Variants in CRACR2A observed in about 807,000 individuals in gnomAD.
The protein encoded by CRACR2A is EF-hand calcium-binding domain-containing protein 4B.
CRACR2A carries 79 observed loss-of-function variants against 90.5 expected under a neutral mutation model. The observed-to-expected ratio is 0.87, with a 90% CI of 0.73 to 1.05. CRACR2A has a LOEUF of 1.05. CRACR2A is among the 50% of genes least tolerant of loss of function. CRACR2A has a pLI of 0.00. For synonymous variants in CRACR2A, 338 were observed against 356.7 expected (o/e 0.95, Z 0.59); for missense variants, 823 against 897.2 (o/e 0.92, Z 1.06).
chr12:3,665,275 GTTC>G (rs1426896774), intron 7 of CRACR2A, among the ~76,000 whole-genome samples: 1 of 152,320 alleles, frequency 6.6e-6, no homozygotes, highest in East Asian at 1.9e-4. Flanking sequence ...TAGCTGGGTA[GTTC>G]TTCTGGCATG....
intron 15 of CRACR2A, among the ~76,000 whole-genome samples, chr12:3,629,491 G>A (rs1470998624): frequency 1.3e-5 from 2 of 152,204 alleles, no homozygotes; most frequent in African/African-American, 4.8e-5. Flanking sequence ...CAGGGGAAAG[G>A]CCTCCATGGT....
At chr12:3,698,853 G>A (rs1018177506) in intron 3 of CRACR2A, among the ~76,000 whole-genome samples, 6 of 152,186 alleles carry the variant, frequency 3.9e-5, no homozygotes, top group African/African-American at 1.2e-4. Context: ...GGTAACGTGA[G>A]CTTCTGTAAA....
chr12:3,669,686 G>T (rs1053701119), intron 7 of CRACR2A, among the ~76,000 whole-genome samples: 1 of 152,156 alleles, frequency 6.6e-6, no homozygotes, highest in African/African-American at 2.4e-5. Context: ...GGTTCTCCTG[G>T]CCTTAGCTAT....
chr12:3,733,438 G>A (rs1281788641), intron 1 of CRACR2A, among the ~76,000 whole-genome samples: 5 of 152,176 alleles, frequency 3.3e-5, no homozygotes, highest in Non-Finnish European at 7.3e-5. Context: ...TCTTGCCAAT[G>A]GGTAGGTTGG....
At chr12:3,742,595 CAGG>C (rs1174412236) in intron 1 of CRACR2A, among the ~76,000 whole-genome samples, 2 of 152,214 alleles carry the variant, frequency 1.3e-5, no homozygotes, top group South Asian at 2.1e-4. Context: ...TGAAGGCCAG[CAGG>C]AGGAGAGTGT....
At position 3,617,032 on chromosome 12, in the gene CRACR2A, T is replaced by C. The variant is rs1565458507; in HGVS notation, c.2035-2A>G. On this transcript the variant is annotated splice_acceptor_variant, in intron 18 of 19. Transcript: ENST00000440314. LOFTEE classifies it high-confidence loss of function. ...TTCATAGAAGATCAGATTGTTCTCC[T>C]AGAATCATAAAACAGAGCGAATACA... is the stretch of plus-strand genomic sequence containing the variant. 6.5e-7 allele frequency: 1 copy of C among 1,550,364 alleles called. No individual in the cohort carries two copies. Among genetic ancestry groups the C allele is most frequent in the Non-Finnish European group, 8.7e-7 (1 of 1,145,936 alleles).
chr12:3,638,465 G>A lies in CRACR2A; in HGVS notation c.1272-11C>T, dbSNP rs781654264. On this transcript the variant is annotated splice_polypyrimidine_tract_variant and intron_variant, in intron 13 of 19. Coordinates refer to ENST00000440314, the MANE Select transcript of CRACR2A (RefSeq NM_001144958.2). ...TCCTCCTCTGACTGGCTACTGGGGC[G>A]GGGAAGAGAGAAGAGTTGGGAGGAT... 90 of 1,524,490 alleles carry A rather than the reference G, an allele frequency of 5.9e-5. No homozygotes were observed. The highest frequency in any genetic ancestry group is 5.1e-4 in the Middle Eastern group (3 of 5,870). The allele number at this position is 1,524,490 out of a possible 1,614,324, so 94.4% of individuals were successfully genotyped here.
chr12:3,650,958 CAAAAGAAAGGCACTTCTGAA>C (rs1374819278), intron 10 of CRACR2A, among the ~76,000 whole-genome samples: 2 of 152,136 alleles, frequency 1.3e-5, no homozygotes, highest in Non-Finnish European at 2.9e-5. Context: ...TTTGTGTCAA[CAAAAGAAAGGCACTTCTGAA>C]AAAAGAAAGA....
intron 7 of CRACR2A, among the ~76,000 whole-genome samples, chr12:3,669,983 C>T (rs1273931854): frequency 2.0e-5 from 3 of 152,228 alleles, no homozygotes; most frequent in Admixed American, 6.5e-5. Flanking sequence ...CCCATGGCAA[C>T]GCTGTCTAAT....
At chr12:3,636,408 T>A (rs1944454988) in intron 14 of CRACR2A, among the ~76,000 whole-genome samples, 1 of 151,978 alleles carries the variant, frequency 6.6e-6, no homozygotes, top group Admixed American at 6.5e-5. Flanking sequence ...CCTCGTGGAG[T>A]GGGCACAGAA....
intron 7 of CRACR2A, among the ~76,000 whole-genome samples, chr12:3,670,152 C>CTAG (rs1395922317): frequency 6.6e-6 from 1 of 152,200 alleles, no homozygotes; most frequent in Non-Finnish European, 1.5e-5. Context: ...TGGTTCGATG[C>CTAG]TAGCTACTGG....
chr12:3,627,358 C>A, intron 17 of CRACR2A, 78 bp downstream of exon 17: 1 of 1,033,172 alleles, frequency 9.7e-7, no homozygotes, highest in South Asian at 1.5e-5. Context: ...AATGCAGAGG[C>A]CCACGTGGGA....
rs1047758304 is a variant in CRACR2A at position 3,616,960 on chromosome 12, A to G, written c.2105T>C (p.Leu702Pro). 1.3e-6 allele frequency: 2 copies of G among 1,550,870 alleles called. No homozygotes were observed. Among genetic ancestry groups the G allele is most frequent in the African/African-American group, 2.7e-5 (2 of 73,032 alleles). ...GGGGAGCACATCTCTTTACCTGGCC[A>G]GATGGAGCAGGGACTCTTTGGTGTT... ...GHNTKESLLH[L>P]ARFLKEQEDT... The change falls in exon 19 of 20, where the codon CTG becomes CCG. Residue 702 changes from leucine (L) to proline (P), a missense_variant. Transcript: ENST00000440314.
At chr12:3,710,790 G>A (rs1363225501) in intron 3 of CRACR2A, among the ~76,000 whole-genome samples, 1 of 121,902 alleles carries the variant, frequency 8.2e-6, no homozygotes, top group South Asian at 3.0e-4. Flanking sequence ...AGGCTCCACC[G>A]CAAAAAAAAA....
chr12:3,648,903 C>T (rs939509301), intron 10 of CRACR2A, among the ~76,000 whole-genome samples: 7 of 152,184 alleles, frequency 4.6e-5, no homozygotes, highest in Non-Finnish European at 1.0e-4. Flanking sequence ...CCCTCCTAAC[C>T]CCAGACCCAG....
At chr12:3,665,174 T>C (rs976646039) in intron 7 of CRACR2A, among the ~76,000 whole-genome samples, 4 of 152,238 alleles carry the variant, frequency 2.6e-5, no homozygotes, top group African/African-American at 9.6e-5. Flanking sequence ...GAGTTCTCAG[T>C]GGAAGAGAAG....
chr12:3,662,480 G>A (rs752660921), intron 7 of CRACR2A, among the ~76,000 whole-genome samples: 1 of 152,228 alleles, frequency 6.6e-6, no homozygotes, highest in Non-Finnish European at 1.5e-5. Flanking sequence ...GAACAAATGA[G>A]AGTGGATGTG....
Position 3,748,080 on chromosome 12 carries a change from C to T in CRACR2A, c.-387+4935G>A, listed in dbSNP as rs532641166. ...GTTCCACAGGCTCAGGGGTACACTA[C>T]GAGCACAGGACTGGGTGTTAAGCCT... On this transcript the variant is annotated intron_variant, in intron 1 of 19. Transcript: ENST00000440314. 3.9e-4 allele frequency among the ~76,000 whole-genome samples: 59 copies of T among 152,274 alleles called. 1 individual carries two copies. Among genetic ancestry groups the T allele is most frequent in the African/African-American group, 1.2e-3 (48 of 41,548 alleles).
intron 13 of CRACR2A, chr12:3,640,243 G>A (rs138974998): frequency 4.9e-5 from 8 of 163,854 alleles, no homozygotes; most frequent in African/African-American, 1.9e-4. Flanking sequence ...AGAATTCAGG[G>A]CTCACAATTT....
Sources: gnomAD v4.1 joint callset for allele counts (sites outside exome capture counted in the v4.1 genomes callset) on GRCh38, gnomAD v4.1.1 for gene constraint, MANE v1.5 for transcripts, NCBI Gene and HGNC (gene_info 2026-07-23, HGNC 2026-07-21) for gene names.